The following CDIN1 variants were observed in gnomAD, a reference collection of about 807,000 sequenced individuals.
CDIN1 encodes the protein CDAN1 interacting nuclease 1.
Under a neutral mutation model 45.3 loss-of-function variants are expected in CDIN1, and 33 were observed. The ratio of observed to expected loss-of-function variants is 0.73; its 90% confidence interval spans 0.55 to 0.97. The LOEUF (loss-of-function observed/expected upper bound fraction) is 0.97, where lower values mean the gene tolerates loss of function less well. Among genes scored for constraint, CDIN1 ranks in the 50% least tolerant of loss-of-function variants. The probability of loss-of-function intolerance (pLI) is 0.00; values close to 1 mark genes in which losing one functional copy is unlikely to be tolerated. For missense variants in CDIN1, 303 were observed against 339.4 expected (o/e 0.89, Z 0.84); for synonymous variants, 118 against 124.4 (o/e 0.95, Z 0.34).
In CDIN1 at chr15:36,764,216, T is replaced by G. The variant is rs940776941; in HGVS notation, c.717-44108T>G. 2.3e-3 allele frequency among the ~76,000 whole-genome samples: 13 copies of G among 5,738 alleles called. No individual in the cohort carries two copies. The East Asian group carries it at 0.39, about 172-fold the overall frequency. 3.8% of individuals were successfully genotyped at this position (5,738 alleles called of 152,430 possible). On this transcript the variant is annotated intron_variant, in intron 10 of 10. Transcript: ENST00000566621. Reference sequence around the variant, plus strand: ...TTTATTTTCTTTCTGTGGTTTTGGTTTTTTTTTTTTTTTTTTTGTCATTGT... The same window carrying G: ...TTTATTTTCTTTCTGTGGTTTTGGTGTTTTTTTTTTTTTTTTTGTCATTGT...
chr15:36,684,460 T>C (rs2041967709), intron 5 of CDIN1, among the ~76,000 whole-genome samples: 1 of 152,182 alleles, frequency 6.6e-6, no homozygotes, highest in Non-Finnish European at 1.5e-5. Context: ...TTTGATGTGC[T>C]GCTGGATTCG....
At chr15:36,666,783 A>G (rs2041267175) in intron 5 of CDIN1, among the ~76,000 whole-genome samples, 1 of 152,188 alleles carries the variant, frequency 6.6e-6, no homozygotes, top group Admixed American at 6.5e-5. Flanking sequence ...GTCAGTTTTA[A>G]TGCTTTCTCA....
chr15:36,756,454 T>C (rs893285563), intron 10 of CDIN1, among the ~76,000 whole-genome samples: 4 of 152,176 alleles, frequency 2.6e-5, no homozygotes, highest in African/African-American at 9.6e-5. Context: ...GCAGGTGTTA[T>C]AACAATCTGC....
At chr15:36,781,161 G>C (rs1224751457) in intron 10 of CDIN1, among the ~76,000 whole-genome samples, 1 of 152,174 alleles carries the variant, frequency 6.6e-6, no homozygotes, top group Non-Finnish European at 1.5e-5. Context: ...TCTAATGAAT[G>C]CATGTGTTAC....
At chr15:36,776,276 T>C (rs561077670) in intron 10 of CDIN1, among the ~76,000 whole-genome samples, 8 of 152,312 alleles carry the variant, frequency 5.3e-5, no homozygotes, top group African/African-American at 1.4e-4. Context: ...TAAATCTGTA[T>C]TGGAGAGAAT....
At chr15:36,620,628 T>C (rs1200605277) in intron 1 of CDIN1, among the ~76,000 whole-genome samples, 4 of 152,206 alleles carry the variant, frequency 2.6e-5, no homozygotes, top group Non-Finnish European at 4.4e-5. Flanking sequence ...AATTGAACAT[T>C]GAAGTATTTA....
chr15:36,801,306 C>T (rs2055037410), intron 10 of CDIN1, among the ~76,000 whole-genome samples: 1 of 151,986 alleles, frequency 6.6e-6, no homozygotes, highest in Non-Finnish European at 1.5e-5. Flanking sequence ...CCACACCTTT[C>T]ACCGTCTTAT....
chr15:36,636,652 G>C (rs191990314), intron 1 of CDIN1, among the ~76,000 whole-genome samples: 7 of 152,344 alleles, frequency 4.6e-5, no homozygotes, highest in Admixed American at 4.6e-4. Context: ...GTAAATCTGA[G>C]TAAGCAGAGA....
At chr15:36,806,691 A>C (rs1450356196) in intron 10 of CDIN1, among the ~76,000 whole-genome samples, 2 of 152,188 alleles carry the variant, frequency 1.3e-5, no homozygotes, top group Non-Finnish European at 2.9e-5. Flanking sequence ...TGTTTTGACA[A>C]ATCTGAGATC....
At chr15:36,730,015 A>G (rs1394927328) in intron 10 of CDIN1, among the ~76,000 whole-genome samples, 1 of 152,150 alleles carries the variant, frequency 6.6e-6, no homozygotes, top group East Asian at 1.9e-4. Context: ...TTCTAAATAC[A>G]TTTCTTTGAC....
chr15:36,788,599 A>G (rs946166258), intron 10 of CDIN1, among the ~76,000 whole-genome samples: 1 of 152,200 alleles, frequency 6.6e-6, no homozygotes, highest in African/African-American at 2.4e-5. Flanking sequence ...CAGAAGGTGA[A>G]GTCAGCAAAA....
intron 1 of CDIN1, chr15:36,618,887 C>T: frequency 1.7e-6 from 2 of 1,150,760 alleles, no homozygotes; most frequent in Middle Eastern, 2.8e-4. Flanking sequence ...TACTGCCTCA[C>T]CATGTAATCG....
intron 10 of CDIN1, among the ~76,000 whole-genome samples, chr15:36,793,560 C>G (rs1419197600): frequency 2.6e-5 from 4 of 152,126 alleles, no homozygotes; most frequent in African/African-American, 4.8e-5. Context: ...TGAAGCATTC[C>G]TCTCCTCATC....
intron 10 of CDIN1, among the ~76,000 whole-genome samples, chr15:36,768,877 A>G (rs1488301450): frequency 6.6e-6 from 1 of 152,112 alleles, no homozygotes; most frequent in Non-Finnish European, 1.5e-5. Flanking sequence ...GGAGTTTCCT[A>G]GGAGGACCTT....
chr15:36,793,403 T>C (rs1220415651), intron 10 of CDIN1, among the ~76,000 whole-genome samples: 1 of 152,136 alleles, frequency 6.6e-6, no homozygotes, highest in African/African-American at 2.4e-5. Flanking sequence ...TAGAGCCAGG[T>C]CCATGCTGTC....
chr15:36,595,476 A>G (rs1425092177), intron 1 of CDIN1, among the ~76,000 whole-genome samples: 1 of 152,092 alleles, frequency 6.6e-6, no homozygotes, highest in Admixed American at 6.5e-5. Context: ...AAGAAATTAC[A>G]CCTTAGTGAA....
chr15:36,677,290 T>C (rs1429703925), intron 5 of CDIN1, among the ~76,000 whole-genome samples: 1 of 152,068 alleles, frequency 6.6e-6, no homozygotes, highest in African/African-American at 2.4e-5. Context: ...ATCTGTGGCA[T>C]TAAAATTTCA....
chr15:36,779,625 C>T (rs1183459066), intron 10 of CDIN1, among the ~76,000 whole-genome samples: 2 of 152,180 alleles, frequency 1.3e-5, no homozygotes, highest in African/African-American at 2.4e-5. Flanking sequence ...ATTCTCCATT[C>T]GTGTTTTGGG....
At chr15:36,740,422 A>C (rs2044192455) in intron 10 of CDIN1, among the ~76,000 whole-genome samples, 1 of 152,164 alleles carries the variant, frequency 6.6e-6, no homozygotes, top group South Asian at 2.1e-4. Flanking sequence ...CTTAGATCCG[A>C]GATTATGCAG....
Sources: allele counts gnomAD v4.1 joint callset (sites outside exome capture counted in the v4.1 genomes callset), GRCh38; gene constraint gnomAD v4.1.1; transcripts MANE v1.5; gene names NCBI Gene and HGNC (gene_info 2026-07-23, HGNC 2026-07-21).